Variants in DLGAP1 observed in about 807,000 individuals in gnomAD.
DLGAP1 encodes the protein disks large-associated protein 1.
In DLGAP1, 11 loss-of-function variants were observed where a neutral mutation model predicts 90.8. The ratio of observed to expected loss-of-function variants is 0.12; its 90% CI spans 0.08 to 0.20. The LOEUF is 0.20. DLGAP1 is among the 10% of genes least tolerant of loss of function. DLGAP1 has a pLI of 1.00. For missense variants in DLGAP1, 1,050 were observed against 1,333.8 expected, an observed-to-expected ratio of 0.79 and a Z score of 3.31; for synonymous variants, 558 against 540.7, an observed-to-expected ratio of 1.03 and a Z score of -0.44.
chr18:4,200,624 A>G (rs1231599481), intron 1 of DLGAP1, among the ~76,000 whole-genome samples: 3 of 151,804 alleles, frequency 2.0e-5, no homozygotes, highest in Non-Finnish European at 4.4e-5. Flanking sequence ...TATTGTGAAA[A>G]TATTAAAATT....
chr18:4,386,232 C>A (rs547154849), intron 1 of DLGAP1, among the ~76,000 whole-genome samples: 1 of 152,166 alleles, frequency 6.6e-6, no homozygotes, highest in South Asian at 2.1e-4. Flanking sequence ...GTCAGAATGC[C>A]GACCAGATCG....
intron 7 of DLGAP1, among the ~76,000 whole-genome samples, chr18:3,586,408 G>A (rs1046664494): frequency 3.3e-5 from 5 of 152,030 alleles, no homozygotes; most frequent in African/African-American, 4.8e-5. Context: ...GACTTTACTC[G>A]TTATTATGAG....
chr18:3,525,671 T>C (rs1006077826), intron 10 of DLGAP1, among the ~76,000 whole-genome samples: 1 of 152,218 alleles, frequency 6.6e-6, no homozygotes, highest in African/African-American at 2.4e-5. Context: ...AGTGCTGGGA[T>C]TATAGGCATG....
At chr18:3,535,262 TTAAAGCCAGTAGAA>T (rs1481071761) in intron 9 of DLGAP1, among the ~76,000 whole-genome samples, 2 of 152,166 alleles carry the variant, frequency 1.3e-5, no homozygotes, top group Admixed American at 1.3e-4. Context: ...TGCTGAACTA[TTAAAGCCAGTAGAA>T]TGTGCAGCTC....
chr18:3,627,788 G>A (rs2058350935), intron 7 of DLGAP1, among the ~76,000 whole-genome samples: 1 of 151,472 alleles, frequency 6.6e-6, no homozygotes, highest in South Asian at 2.1e-4. Flanking sequence ...AACCTCCCAA[G>A]TAGCTGGGAC....
At chr18:3,676,897 C>T (rs2069000759) in intron 7 of DLGAP1, among the ~76,000 whole-genome samples, 1 of 152,138 alleles carries the variant, frequency 6.6e-6, no homozygotes, top group South Asian at 2.1e-4. Context: ...AATCAATGTT[C>T]TCAGTTTTCA....
intron 3 of DLGAP1, chr18:3,892,112 AAAAC>A (rs1279646129): frequency 4.2e-5 from 4 of 96,384 alleles, no homozygotes; most frequent in Non-Finnish European, 8.2e-5. Context: ...TATCACCTCT[AAAAC>A]ACACACACAC....
intron 1 of DLGAP1, among the ~76,000 whole-genome samples, chr18:4,393,615 G>A (rs532097090): frequency 2.6e-5 from 4 of 152,248 alleles, no homozygotes; most frequent in African/African-American, 9.6e-5. Flanking sequence ...ATTTTCATTT[G>A]TATTTGTCTG....
chr18:3,726,454 TGAGAGA>T (rs35741226), intron 7 of DLGAP1, among the ~76,000 whole-genome samples: 3 of 149,300 alleles, frequency 2.0e-5, no homozygotes, highest in African/African-American at 7.4e-5. Flanking sequence ...GGTGTGTGTG[TGAGAGA>T]GAGAGAGAGA....
intron 7 of DLGAP1, among the ~76,000 whole-genome samples, chr18:3,724,745 A>T (rs1018698613): frequency 6.6e-6 from 1 of 150,972 alleles, no homozygotes; most frequent in Non-Finnish European, 1.5e-5. Flanking sequence ...TCAAAAAATG[A>T]AAAAAAAATT....
chr18:4,124,695 A>G (rs889096666), intron 2 of DLGAP1, among the ~76,000 whole-genome samples: 2 of 152,220 alleles, frequency 1.3e-5, no homozygotes, highest in African/African-American at 2.4e-5. Context: ...AGGAGGAATA[A>G]AAGTATTGAC....
chr18:3,888,032 C>T (rs903492510), intron 3 of DLGAP1, among the ~76,000 whole-genome samples: 6 of 141,564 alleles, frequency 4.2e-5, no homozygotes, highest in South Asian at 2.3e-4. Flanking sequence ...GGCGTGAACC[C>T]GGGAGGCGGA....
intron 1 of DLGAP1, among the ~76,000 whole-genome samples, chr18:4,200,862 T>A (rs2144805665): frequency 6.6e-6 from 1 of 152,258 alleles, no homozygotes; most frequent in South Asian, 2.1e-4. Flanking sequence ...GTAAACTACA[T>A]TTCCGTTTAT....
chr18:3,568,017 G>T (rs1338974430), intron 8 of DLGAP1, among the ~76,000 whole-genome samples: 1 of 151,960 alleles, frequency 6.6e-6, no homozygotes, highest in East Asian at 1.9e-4. Context: ...TCCTGCCTCA[G>T]CCTCCCGAAT....
chr18:4,302,030 T>A (rs2080138270), intron 1 of DLGAP1, among the ~76,000 whole-genome samples: 1 of 152,202 alleles, frequency 6.6e-6, no homozygotes, highest in Non-Finnish European at 1.5e-5. Flanking sequence ...TTATATATAT[T>A]GGATATTAAC....
intron 1 of DLGAP1, among the ~76,000 whole-genome samples, chr18:4,152,453 G>A (rs1189665093): frequency 6.6e-6 from 1 of 152,110 alleles, no homozygotes; most frequent in Non-Finnish European, 1.5e-5. Context: ...CAGTGAATAG[G>A]CACAGAGGCA....
chr18:4,388,253 A>G (rs1325923808), intron 1 of DLGAP1, among the ~76,000 whole-genome samples: 2 of 152,100 alleles, frequency 1.3e-5, no homozygotes, highest in Non-Finnish European at 2.9e-5. Flanking sequence ...GGGAAACTCA[A>G]GAATGACACT....
At position 4,188,562 on chromosome 18, in the gene DLGAP1, A is replaced by T. The variant is rs562264770; in HGVS notation, c.-266-37275T>A. On this transcript the variant is annotated intron_variant, in intron 1 of 12. Transcript: ENST00000315677. ...CTTCCACTTATGAGTGAGAACATGTAGTGTTTGGTTTTCTGTTCCTGTGTT... is the reference window on the plus strand; with the variant it reads ...CTTCCACTTATGAGTGAGAACATGTTGTGTTTGGTTTTCTGTTCCTGTGTT... Among the ~76,000 whole-genome samples the T allele has an allele frequency of 7.2e-4, 109 of 152,088 alleles. 1 individual carries two copies. Among genetic ancestry groups the T allele is most frequent in the African/African-American group, 2.5e-3 (104 of 41,496 alleles).
chr18:4,141,619 TCAC>T (rs1275941626), intron 2 of DLGAP1, among the ~76,000 whole-genome samples: 21 of 152,062 alleles, frequency 1.4e-4, no homozygotes, highest in Non-Finnish European at 2.9e-4. Context: ...AGTACTGGTA[TCAC>T]CACACTTTTA....
Sources: allele counts gnomAD v4.1 joint callset (sites outside exome capture counted in the v4.1 genomes callset), GRCh38; gene constraint gnomAD v4.1.1; transcripts MANE v1.5; gene names NCBI Gene and HGNC (gene_info 2026-07-23, HGNC 2026-07-21).